The following PDE1C variants were observed in gnomAD, a reference collection of about 807,000 sequenced individuals.
PDE1C encodes phosphodiesterase 1C, also known as dual specificity calcium/calmodulin-dependent 3',5'-cyclic nucleotide phosphodiesterase 1C.
A neutral mutation model predicts 93.1 loss-of-function variants in PDE1C; 62 were observed. That is an observed-to-expected ratio of 0.67 (90% CI 0.54 to 0.82). The LOEUF (loss-of-function observed/expected upper bound fraction) is 0.82, where lower values mean the gene tolerates loss of function less well. Among genes scored for constraint, PDE1C ranks in the 40% least tolerant of loss-of-function variants. The probability of loss-of-function intolerance (pLI) is 0.00; values close to 1 mark genes in which losing one functional copy is unlikely to be tolerated. For missense variants in PDE1C, 742 were observed against 884.6 expected, an observed-to-expected ratio of 0.84 and a Z score of 2.04; for synonymous variants, 325 against 310.1, an observed-to-expected ratio of 1.05 and a Z score of -0.50.
intron 3 of PDE1C, among the ~76,000 whole-genome samples, chr7:32,141,772 T>G (rs998704755): frequency 6.6e-6 from 1 of 152,020 alleles, no homozygotes; most frequent in East Asian, 1.9e-4. Context: ...AGTTTGAAGT[T>G]TAGTCAATAG....
intron 2 of PDE1C, among the ~76,000 whole-genome samples, chr7:32,206,240 A>T (rs929684987): frequency 1.1e-4 from 16 of 152,070 alleles, no homozygotes; most frequent in African/African-American, 3.1e-4. Flanking sequence ...GTGTATGCTG[A>T]TAATGGGACG....
At chr7:32,307,143 T>A (rs1272605520) in intron 1 of PDE1C, among the ~76,000 whole-genome samples, 2 of 152,200 alleles carry the variant, frequency 1.3e-5, no homozygotes, top group Non-Finnish European at 2.9e-5. Context: ...GTAACAAATA[T>A]CCAAATTCTC....
chr7:31,753,852 G>A (rs919134785), intron 17 of PDE1C, among the ~76,000 whole-genome samples: 1 of 152,122 alleles, frequency 6.6e-6, no homozygotes, highest in Non-Finnish European at 1.5e-5. Flanking sequence ...GAAGCATTGG[G>A]GTCATTTCTG....
intron 3 of PDE1C, among the ~76,000 whole-genome samples, chr7:32,080,801 A>G (rs916149011): frequency 3.9e-5 from 6 of 152,216 alleles, no homozygotes; most frequent in Non-Finnish European, 7.3e-5. Flanking sequence ...AAAGAATAAC[A>G]TATCTATGAA....
At chr7:31,928,311 T>C (rs1203425335) in intron 2 of PDE1C, among the ~76,000 whole-genome samples, 1 of 152,118 alleles carries the variant, frequency 6.6e-6, no homozygotes, top group Non-Finnish European at 1.5e-5. Flanking sequence ...AAGCTATGAT[T>C]GTACCTGAAA....
At chr7:32,411,337 C>G (rs1468380661) in intron 1 of PDE1C, among the ~76,000 whole-genome samples, 1 of 152,224 alleles carries the variant, frequency 6.6e-6, no homozygotes, top group Non-Finnish European at 1.5e-5. Flanking sequence ...CAAACCTAGA[C>G]AGTATAGCCT....
intron 3 of PDE1C, among the ~76,000 whole-genome samples, chr7:32,108,636 A>G (rs1240169815): frequency 6.6e-6 from 1 of 152,176 alleles, no homozygotes; most frequent in East Asian, 1.9e-4. Flanking sequence ...CATGACAAAG[A>G]CCAACATTTG....
the PDE1C span, among the ~76,000 whole-genome samples, chr7:31,640,046 T>G: frequency 6.6e-6 from 1 of 152,284 alleles, no homozygotes; most frequent in African/African-American, 2.4e-5. Context: ...ATAAATATTC[T>G]TTTGCTTATG....
chr7:32,253,611 G>T (rs2128876670), intron 1 of PDE1C, among the ~76,000 whole-genome samples: 1 of 152,350 alleles, frequency 6.6e-6, no homozygotes, highest in Non-Finnish European at 1.5e-5. Flanking sequence ...GCTGGGGAAA[G>T]AGAGGATTCA....
chr7:32,205,582 A>G (rs1407611416), intron 2 of PDE1C, among the ~76,000 whole-genome samples: 3 of 143,118 alleles, frequency 2.1e-5, no homozygotes, highest in Non-Finnish European at 4.7e-5. Flanking sequence ...GGAGCCAAAA[A>G]AGAGAATAAA....
intron 3 of PDE1C, among the ~76,000 whole-genome samples, chr7:32,098,417 T>C (rs1797879423): frequency 6.6e-6 from 1 of 152,074 alleles, no homozygotes; most frequent in Non-Finnish European, 1.5e-5. Flanking sequence ...ATATTTGTCC[T>C]TCATTAAAAA....
At chr7:32,256,998 A>C (rs34930080) in intron 1 of PDE1C, among the ~76,000 whole-genome samples, 15,864 of 152,112 alleles carry the variant, frequency 0.1, 883 homozygotes, top group East Asian at 0.13. Flanking sequence ...CCATCTGTCC[A>C]TCCATTGCTC....
the PDE1C span, among the ~76,000 whole-genome samples, chr7:31,692,955 T>A: frequency 6.6e-6 from 1 of 152,264 alleles, no homozygotes; most frequent in Admixed American, 6.5e-5. Context: ...AATAGCCTTT[T>A]TCTGCTTTAT....
At chr7:32,178,260 A>T (rs981177468) in intron 2 of PDE1C, among the ~76,000 whole-genome samples, 1 of 152,156 alleles carries the variant, frequency 6.6e-6, no homozygotes, top group Admixed American at 6.5e-5. Context: ...GGCCTCTGCC[A>T]TGGCTCATCT....
intron 3 of PDE1C, among the ~76,000 whole-genome samples, chr7:32,126,613 C>A (rs1199559439): frequency 6.6e-6 from 1 of 151,954 alleles, no homozygotes; most frequent in African/African-American, 2.4e-5. Context: ...ATATCTGTGA[C>A]AATAATCTAA....
intron 2 of PDE1C, among the ~76,000 whole-genome samples, chr7:32,206,495 A>G (rs1314740771): frequency 2.0e-5 from 3 of 152,154 alleles, no homozygotes; most frequent in African/African-American, 7.2e-5. Context: ...AGGACTAGAA[A>G]GGGACCCCAC....
At chr7:31,817,875 G>C (rs1788461137) in intron 14 of PDE1C, among the ~76,000 whole-genome samples, 1 of 152,112 alleles carries the variant, frequency 6.6e-6, no homozygotes, top group Admixed American at 6.6e-5. Flanking sequence ...TTTTGTGAAA[G>C]TCTATGATAT....
intron 7 of PDE1C, among the ~76,000 whole-genome samples, chr7:31,851,302 C>T (rs1341876115): frequency 6.6e-6 from 1 of 152,196 alleles, no homozygotes; most frequent in Non-Finnish European, 1.5e-5. Context: ...CAGTGGTTCA[C>T]AAAATGTGTT....
intron 2 of PDE1C, among the ~76,000 whole-genome samples, chr7:32,180,330 G>T (rs896966544): frequency 1.6e-4 from 24 of 152,132 alleles, no homozygotes; most frequent in African/African-American, 5.6e-4. Context: ...AATAAAATTT[G>T]ATCTGTGATG....
Sources: allele counts gnomAD v4.1 joint callset (sites outside exome capture counted in the v4.1 genomes callset), GRCh38; gene constraint gnomAD v4.1.1; transcripts MANE v1.5; gene names NCBI Gene and HGNC (gene_info 2026-07-23, HGNC 2026-07-21).